Variants in PSD3 observed in about 807,000 individuals in gnomAD.
The protein encoded by PSD3 is pleckstrin and Sec7 domain containing 3.
PSD3 carries 49 observed loss-of-function variants against 105.5 expected under a neutral mutation model. The ratio of observed to expected loss-of-function variants is 0.46; its 90% CI spans 0.37 to 0.59. The LOEUF is 0.59. PSD3 is among the 20% of genes least tolerant of loss of function. The pLI is 0.00. For synonymous variants in PSD3, 557 were observed against 457.8 expected (o/e 1.22, Z -2.77); for missense variants, 1,561 against 1,263.8 (o/e 1.24, Z -3.57).
At chr8:18,740,234 C>T (rs1319176865) in intron 9 of PSD3, among the ~76,000 whole-genome samples, 1 of 152,188 alleles carries the variant, frequency 6.6e-6, no homozygotes, top group Non-Finnish European at 1.5e-5. Flanking sequence ...TCCACAGTGA[C>T]AGCTCCTGCT....
intron 14 of PSD3, among the ~76,000 whole-genome samples, chr8:18,558,866 T>C (rs1405822406): frequency 6.6e-6 from 1 of 152,326 alleles, no homozygotes; most frequent in South Asian, 2.1e-4. Context: ...CTCTAGGTTT[T>C]ATACTTGATA....
intron 9 of PSD3, among the ~76,000 whole-genome samples, chr8:18,755,464 T>TAACA (rs1805955225): frequency 6.6e-6 from 1 of 151,684 alleles, no homozygotes; most frequent in Non-Finnish European, 1.5e-5. Flanking sequence ...TAACATAACA[T>TAACA]AACATAACAT....
intron 8 of PSD3, among the ~76,000 whole-genome samples, chr8:18,782,769 A>G (rs1287139734): frequency 1.3e-5 from 2 of 152,210 alleles, no homozygotes; most frequent in African/African-American, 4.8e-5. Flanking sequence ...TGGGGCCCCA[A>G]GCTACAGCTT....
chr8:18,782,352 C>CTA (rs1808718536), intron 8 of PSD3, among the ~76,000 whole-genome samples: 1 of 152,038 alleles, frequency 6.6e-6, no homozygotes, highest in Non-Finnish European at 1.5e-5. Context: ...ATAGAGCTAT[C>CTA]TATAGAGTTG....
At chr8:18,613,682 T>C (rs974540637) in intron 11 of PSD3, among the ~76,000 whole-genome samples, 4 of 152,180 alleles carry the variant, frequency 2.6e-5, no homozygotes, top group Non-Finnish European at 5.9e-5. Context: ...TCTGCTCAAA[T>C]GTTATCTGTG....
At chr8:18,893,732 C>T (rs778757946) in intron 2 of PSD3, among the ~76,000 whole-genome samples, 40 of 152,148 alleles carry the variant, frequency 2.6e-4, no homozygotes, top group Non-Finnish European at 4.9e-4. Context: ...AGGAGCAGAG[C>T]ACAGTCTGGC....
chr8:19,057,842 C>T (rs1050018919), intron 1 of PSD3, among the ~76,000 whole-genome samples: 1 of 152,106 alleles, frequency 6.6e-6, no homozygotes, highest in Non-Finnish European at 1.5e-5. Flanking sequence ...TGCTGGTGGG[C>T]GTGCAAAATG....
intron 9 of PSD3, among the ~76,000 whole-genome samples, chr8:18,694,726 A>G (rs1275647680): frequency 6.6e-6 from 1 of 152,086 alleles, no homozygotes; most frequent in Non-Finnish European, 1.5e-5. Flanking sequence ...GTGTAATCCT[A>G]GCACTTTGGG....
intron 13 of PSD3, among the ~76,000 whole-genome samples, chr8:18,573,185 A>T (rs1802251809): frequency 6.6e-6 from 1 of 152,140 alleles, no homozygotes; most frequent in Admixed American, 6.6e-5. Context: ...AAACATATAG[A>T]TATGCCAGAC....
At chr8:18,916,136 T>C (rs144604978) in intron 2 of PSD3, among the ~76,000 whole-genome samples, 31 of 151,558 alleles carry the variant, frequency 2.0e-4, no homozygotes, top group African/African-American at 7.2e-4. Context: ...AACTACCATA[T>C]GATCCAGCAA....
upstream of PSD3, among the ~76,000 whole-genome samples, chr8:19,018,045 C>T (rs1201910304): frequency 9.2e-5 from 14 of 152,196 alleles, no homozygotes; most frequent in African/African-American, 3.4e-4. Context: ...AATTTCTCCA[C>T]ATCCTCACCC....
intron 9 of PSD3, among the ~76,000 whole-genome samples, chr8:18,685,414 C>T (rs1176424157): frequency 1.3e-5 from 2 of 150,770 alleles, no homozygotes; most frequent in East Asian, 2.0e-4. Context: ...ATATCCTTTA[C>T]ATTTTTTTTT....
chr8:18,997,612 C>T (rs1015617084), intron 1 of PSD3, among the ~76,000 whole-genome samples: 1 of 152,026 alleles, frequency 6.6e-6, no homozygotes, highest in African/African-American at 2.4e-5. Flanking sequence ...CAAACCGAAG[C>T]CCTTGCAATA....
rs1204089614 is a variant in PSD3 at position 18,527,886 on chromosome 8, C to T, written c.*7857G>A. 1 of 152,180 alleles carries T rather than the reference C, an allele frequency of 6.6e-6. No homozygotes were observed. The highest frequency in any genetic ancestry group is 2.4e-5 in the African/African-American group (1 of 41,438). The allele number at this position is 152,180 out of a possible 1,614,324, so 9.4% of individuals were successfully genotyped here. The stretch of plus-strand genomic sequence containing the variant: ...AAAGGAGCAGGCTGCTATTTTGTCA[C>T]TAATTACTTTCACAATTTGCAGGGG... On this transcript the variant is annotated 3_prime_UTR_variant, in exon 16 of 16. Transcript: ENST00000327040.
intron 9 of PSD3, among the ~76,000 whole-genome samples, chr8:18,686,096 C>T (rs1168499102): frequency 1.3e-5 from 2 of 152,158 alleles, no homozygotes; most frequent in Non-Finnish European, 1.5e-5. Flanking sequence ...GAAATGGAAT[C>T]TGATACATGT....
chr8:19,071,439 T>A (rs1829258350), intron 1 of PSD3, among the ~76,000 whole-genome samples: 1 of 152,164 alleles, frequency 6.6e-6, no homozygotes, highest in South Asian at 2.1e-4. Context: ...TTCTGCCCTG[T>A]TTATGGCTCA....
At chr8:18,769,095 A>C (rs1807270367) in intron 8 of PSD3, among the ~76,000 whole-genome samples, 1 of 144,068 alleles carries the variant, frequency 6.9e-6, no homozygotes, top group African/African-American at 2.5e-5. Flanking sequence ...AGGTGTCTCA[A>C]GGTAAAAAAA....
intron 2 of PSD3, among the ~76,000 whole-genome samples, chr8:18,892,709 C>G (rs1345918427): frequency 6.6e-6 from 1 of 150,656 alleles, no homozygotes; most frequent in Non-Finnish European, 1.5e-5. Flanking sequence ...ACTGCAATCT[C>G]TGCCTCTCAG....
At chr8:18,638,545 CAAACA>C (rs1174151191) in intron 10 of PSD3, among the ~76,000 whole-genome samples, 4 of 120,328 alleles carry the variant, frequency 3.3e-5, no homozygotes, top group African/African-American at 6.9e-5. Context: ...TAAAAACAAA[CAAACA>C]AAAAAAAACA....
Sources: allele counts gnomAD v4.1 joint callset (sites outside exome capture counted in the v4.1 genomes callset), GRCh38; gene constraint gnomAD v4.1.1; transcripts MANE v1.5; gene names NCBI Gene and HGNC (gene_info 2026-07-23, HGNC 2026-07-21).